Variants in CCN6 observed in about 807,000 individuals in gnomAD.
CCN6 encodes cellular communication network factor 6.
CCN6 carries 31 observed loss-of-function variants against 37.4 expected under a neutral mutation model. The ratio of observed to expected loss-of-function variants is 0.83; its 90% confidence interval spans 0.62 to 1.12. The LOEUF (loss-of-function observed/expected upper bound fraction) is 1.12. Among genes scored for constraint, CCN6 ranks in the 50% most tolerant of loss-of-function variants. The pLI is 0.00. For synonymous variants in CCN6, 137 were observed against 142.1 expected (o/e 0.96, Z 0.26); for missense variants, 369 against 413.8 (o/e 0.89, Z 0.94).
In CCN6 at chr6:112,061,179, C is replaced by T. The variant is rs112665393; in HGVS notation, c.237C>T (p.Ala79=). 2.7e-3 allele frequency: 4,337 copies of T among 1,614,126 alleles called. 112 individuals are homozygous for T. The African/African-American group carries it at 0.052, about 19-fold the overall frequency. The change falls in exon 2 of 5, where the codon GCC becomes GCT. Residue 79 remains alanine, a synonymous_variant. Transcript: ENST00000368666. ...RDGCGCCKIC[A]KQPGEICNEA... Reference sequence around the variant, plus strand: ...GCTGTGGATGCTGTAAAATCTGTGCCAAGCAACCAGGGGAAATCTGCAATG... The same window carrying T: ...GCTGTGGATGCTGTAAAATCTGTGCTAAGCAACCAGGGGAAATCTGCAATG...
intron 4 of CCN6, 130 bp from the exon 5 acceptor site, chr6:112,069,209 G>A: frequency 1.9e-6 from 2 of 1,051,334 alleles, no homozygotes; most frequent in Non-Finnish European, 2.7e-6. Context: ...AGAGAGTGCT[G>A]GAAATCACTA....
chr6:112,069,282 TTTCAAAACTATTG>T, intron 4 of CCN6, 44 bp from the exon 5 acceptor site: 1 of 1,568,602 alleles, frequency 6.4e-7, no homozygotes, highest in Non-Finnish European at 8.7e-7. Flanking sequence ...TTCTACATGT[TTTCAAAACTATTG>T]TAATAAAATT....
chr6:112,059,973 A>G, intron 1 of CCN6: 2 of 1,355,864 alleles, frequency 1.5e-6, no homozygotes. Context: ...CCTCACTGAG[A>G]AATTTGAGCA....
Position 112,061,075 on chromosome 6 carries a change from A to G in CCN6, c.133A>G (p.Lys45Glu), listed in dbSNP as rs2114445196. 6.2e-7 allele frequency: 1 copy of G among 1,614,176 alleles called. No individual in the cohort carries two copies. Among genetic ancestry groups the G allele is most frequent in the South Asian group, 1.1e-5 (1 of 91,090 alleles). ...PGEVSDAPQRKQFCHWPCKCP... is the reference protein window; with the variant it reads ...PGEVSDAPQREQFCHWPCKCP... ...AGAAGTGTCAGATGCACCTCAGCGT[A>G]AACAGTTTTGTCACTGGCCCTGCAA... Residue 45 changes from lysine (K) to glutamate (E), a missense_variant, in exon 2 of 5, where the codon AAA (lysine) becomes GAA (glutamate). Coordinates refer to ENST00000368666, the MANE Select transcript of CCN6 (RefSeq NM_198239.2).
intron 1 of CCN6, among the ~76,000 whole-genome samples, chr6:112,055,425 C>T (rs1554311613): frequency 6.6e-6 from 1 of 152,174 alleles, no homozygotes; most frequent in South Asian, 2.1e-4. Flanking sequence ...ACAAAATAAA[C>T]AACAACAAAC....
At position 112,054,399 on chromosome 6, in the gene CCN6, GGC is replaced by G. The variant is rs1554311394; in HGVS notation, c.43_44del (p.Ala15ThrfsTer17). On this transcript the variant is annotated frameshift_variant, in exon 1 of 5. Transcript: ENST00000368666. LOFTEE classifies it high-confidence loss of function. ...TCTCCACTCTTCTGCTTGCTGGCCTGGCACAGGTAAGTCCTCTCCCCCGACTC... is the reference window on the plus strand; with the variant it reads ...TCTCCACTCTTCTGCTTGCTGGCCTGACAGGTAAGTCCTCTCCCCCGACTC... ...LFSTLLLAGL[A>X]QFCCRVQGTG... 7 of 1,613,328 alleles carry G rather than the reference GGC, an allele frequency of 4.3e-6. No homozygotes were observed. Among genetic ancestry groups the G allele is most frequent in the Admixed American group, 3.3e-5 (2 of 59,932 alleles).
intron 2 of CCN6, among the ~76,000 whole-genome samples, chr6:112,064,207 C>G (rs2114454885): frequency 6.6e-6 from 1 of 152,284 alleles, no homozygotes; most frequent in Non-Finnish European, 1.5e-5. Context: ...CCTTGCAGAT[C>G]CCCTAAAAGT....
intron 1 of CCN6, chr6:112,054,772 G>T: frequency 4.1e-6 from 1 of 246,746 alleles, no homozygotes; most frequent in African/African-American, 2.2e-5. Context: ...ACTTTCCATT[G>T]CTGTTTGCAA....
intron 1 of CCN6, among the ~76,000 whole-genome samples, chr6:112,055,885 C>T (rs782735348): frequency 5.9e-5 from 9 of 152,146 alleles, no homozygotes; most frequent in Admixed American, 2.0e-4. Context: ...CCACCACCTC[C>T]GGCCCAAGGG....
intron 3 of CCN6, 35 bp from the exon 4 acceptor site, chr6:112,068,170 A>T: frequency 6.8e-7 from 1 of 1,465,134 alleles, no homozygotes; most frequent in Non-Finnish European, 9.3e-7. Context: ...GTACATTTAT[A>T]TGTATACATA....
Position 112,061,053 on chromosome 6 carries a change from A to AG in CCN6, c.112dup (p.Val38GlyfsTer8). Reference sequence around the variant, plus strand: ...CAACACCTGAAGGAAGGCCTGGAGAAGTGTCAGATGCACCTCAGCGTAAAC... The same window carrying AG: ...CAACACCTGAAGGAAGGCCTGGAGAAGGTGTCAGATGCACCTCAGCGTAAAC... On this transcript the variant is annotated frameshift_variant, in exon 2 of 5. Transcript: ENST00000368666. LOFTEE classifies it high-confidence loss of function. The AG allele has an allele frequency of 6.2e-7, 1 of 1,614,176 alleles. No homozygotes were observed. The highest frequency in any genetic ancestry group is 8.5e-7 in the Non-Finnish European group (1 of 1,180,032).
chr6:112,060,378 T>C (rs1776477552), intron 1 of CCN6, among the ~76,000 whole-genome samples: 1 of 152,166 alleles, frequency 6.6e-6, no homozygotes, highest in African/African-American at 2.4e-5. Context: ...TCAAGGTGGG[T>C]ATTTTTAAAG....
Position 112,069,512 on chromosome 6 carries a change from C to A in CCN6, c.957C>A (p.Cys319Ter), listed in dbSNP as rs1554314768. 1 of 1,613,502 alleles carries A rather than the reference C, an allele frequency of 6.2e-7. No individual in the cohort carries two copies. The highest frequency in any genetic ancestry group is 8.5e-7 in the Non-Finnish European group (1 of 1,179,754). Reference sequence around the variant, plus strand: ...AAATGATTACTATTCAATTTGATTGCCCAAATGAGGGGTCATTTAAATGGA... The same window carrying A: ...AAATGATTACTATTCAATTTGATTGACCAAATGAGGGGTCATTTAAATGGA... ...KSKMITIQFD[C>*]PNEGSFKWKM... is the part of the protein sequence containing the mutation. Residue 319 changes from cysteine to a stop codon, truncating the protein, a stop_gained, in exon 5 of 5, where the codon TGC (cysteine) becomes TGA (stop). Coordinates refer to ENST00000368666, the MANE Select transcript of CCN6 (RefSeq NM_198239.2). LOFTEE classifies it high-confidence loss of function.
Position 112,054,337 on chromosome 6 carries a change from T to A in CCN6, c.-21T>A. The stretch of plus-strand genomic sequence containing the variant: ...GCGGCGACTTCTCTACCCCTCAGGG[T>A]GGCTCCACGGTCCCAGCGACATGCA... On this transcript the variant is annotated 5_prime_UTR_variant, in exon 1 of 5. Coordinates refer to ENST00000368666, the MANE Select transcript of CCN6 (RefSeq NM_198239.2). The A allele has an allele frequency of 1.9e-6, 3 of 1,613,940 alleles. No homozygotes were observed. Among genetic ancestry groups the A allele is most frequent in the Non-Finnish European group, 2.5e-6 (3 of 1,179,986 alleles).
intron 3 of CCN6, 149 bp downstream of exon 3, chr6:112,065,146 C>A: frequency 7.9e-7 from 1 of 1,268,034 alleles, no homozygotes; most frequent in Admixed American, 1.8e-5. Flanking sequence ...TAATCTTTGC[C>A]TCAGACAGGG....
chr6:112,065,622 GCACGCA>G (rs1776669565), intron 3 of CCN6, among the ~76,000 whole-genome samples: 2 of 137,234 alleles, frequency 1.5e-5, no homozygotes, highest in African/African-American at 5.5e-5. Context: ...ACACACACAC[GCACGCA>G]CACACACACA....
At chr6:112,056,232 G>T (rs1776345205) in intron 1 of CCN6, among the ~76,000 whole-genome samples, 1 of 152,146 alleles carries the variant, frequency 6.6e-6, no homozygotes, top group Non-Finnish European at 1.5e-5. Flanking sequence ...TCAGACCGAA[G>T]ATCCTCCTTT....
chr6:112,057,328 G>A (rs1554311938), intron 1 of CCN6, among the ~76,000 whole-genome samples: 2 of 152,230 alleles, frequency 1.3e-5, no homozygotes, highest in African/African-American at 4.8e-5. Context: ...AACCAGACAT[G>A]TTCTTTAAAG....
chr6:112,063,699 G>C (rs879961952), intron 2 of CCN6, among the ~76,000 whole-genome samples: 1 of 152,116 alleles, frequency 6.6e-6, no homozygotes, highest in African/African-American at 2.4e-5. Flanking sequence ...GACAGGCTCA[G>C]TTTGCTCATC....
Sources: gnomAD v4.1 joint callset for allele counts (sites outside exome capture counted in the v4.1 genomes callset) on GRCh38, gnomAD v4.1.1 for gene constraint, MANE v1.5 for transcripts, NCBI Gene and HGNC (gene_info 2026-07-23, HGNC 2026-07-21) for gene names.